PLA2G6: variants seen among roughly 807,000 people sequenced by gnomAD.
PLA2G6 encodes the protein phospholipase A2 group VI.
A neutral mutation model predicts 83.8 loss-of-function variants in PLA2G6; 62 were observed. That is an observed-to-expected ratio of 0.74 (90% CI 0.60 to 0.91). PLA2G6 has a LOEUF of 0.91. Ranked by LOEUF, PLA2G6 falls within the 40% of genes least tolerant of loss-of-function variation. The pLI is 0.00. For synonymous variants in PLA2G6, 417 were observed against 449.8 expected, an observed-to-expected ratio of 0.93 and a Z score of 0.92; for missense variants, 944 against 1,102.0, an observed-to-expected ratio of 0.86 and a Z score of 2.03.
intron 3 of PLA2G6, chr22:38,143,826 C>G (rs929581088): frequency 1.3e-5 from 3 of 224,938 alleles, no homozygotes; most frequent in Non-Finnish European, 2.7e-5. Flanking sequence ...TCACTGCAAC[C>G]TCCGCCTCTG....
At chr22:38,142,650 G>GA in intron 4 of PLA2G6, 1 of 257,954 alleles carries the variant, frequency 3.9e-6, no homozygotes, top group Non-Finnish European at 7.7e-6. Flanking sequence ...AATGTTTTAA[G>GA]AAAGTTTGTG....
chr22:38,137,086 G>A (rs1248899987), intron 5 of PLA2G6: 1 of 152,234 alleles, frequency 6.6e-6, no homozygotes, highest in Non-Finnish European at 1.5e-5. Flanking sequence ...GGGCTATAGT[G>A]AAATAGCCCA....
At chr22:38,127,208 C>A in intron 9 of PLA2G6, 1 of 1,187,200 alleles carries the variant, frequency 8.4e-7, no homozygotes, top group South Asian at 1.5e-5. Context: ...GGCTGCGAAG[C>A]GGTGTCTCCC....
intron 1 of PLA2G6, among the ~76,000 whole-genome samples, chr22:38,181,149 T>C (rs1039171994): frequency 5.9e-5 from 9 of 152,072 alleles, no homozygotes; most frequent in Non-Finnish European, 1.0e-4. Context: ...CCAAGTCATC[T>C]GTGGGAGCAG....
Position 38,155,646 on chromosome 22 carries a change from T to C in PLA2G6, c.210-9993A>G, listed in dbSNP as rs555714846. Among the ~76,000 whole-genome samples the C allele has an allele frequency of 2.0e-5, 3 of 152,210 alleles. No individual in the cohort carries two copies. In the East Asian group the frequency reaches 5.8e-4, roughly 29 times the overall value. On this transcript the variant is annotated intron_variant, in intron 2 of 16. Transcript: ENST00000332509. ...GGTTATAAGATATTATTTGCAAGCC[T>C]CATGTTAACCTCAAATCAAAAAACA... is the stretch of plus-strand genomic sequence containing the variant.
At position 38,120,873 on chromosome 22, in the gene PLA2G6, C is replaced by T. The variant is rs763937995; in HGVS notation, c.1628G>A (p.Arg543His). The change falls in exon 12 of 17, where the codon CGC becomes CAC. Residue 543 changes from arginine to histidine, a missense_variant. Transcript: ENST00000332509. ...GCCCCGGAACACCTCATCCTTCATG[C>T]GAAAGTACATGCCGCGCATGTAGGC... The part of the protein sequence containing the change: ...SMAYMRGMYF[R>H]MKDEVFRGSR... The T allele has an allele frequency of 3.3e-5, 54 of 1,613,708 alleles. No individual in the cohort carries two copies. The highest frequency in any genetic ancestry group is 1.6e-4 in the Middle Eastern group (1 of 6,084).
At chr22:38,159,708 T>A (rs1199480830) in intron 2 of PLA2G6, among the ~76,000 whole-genome samples, 2 of 127,246 alleles carry the variant, frequency 1.6e-5, no homozygotes, top group East Asian at 5.0e-4. Context: ...TTGGCCTGGG[T>A]GAGAGAGAGA....
intron 6 of PLA2G6, chr22:38,134,276 T>G (rs1477943841): frequency 6.6e-6 from 1 of 152,434 alleles, no homozygotes; most frequent in African/African-American, 2.4e-5. Context: ...TAAATCCCCC[T>G]TTAGGCCAGG....
chr22:38,126,177 C>T (rs779634774), intron 10 of PLA2G6, 194 bp downstream of exon 10: 8 of 660,138 alleles, frequency 1.2e-5, no homozygotes, highest in Admixed American at 2.1e-5. Flanking sequence ...GAGCCTGCAC[C>T]GCCCAGCATT....
intron 3 of PLA2G6, chr22:38,145,138 C>T: frequency 2.5e-6 from 1 of 396,062 alleles, no homozygotes; most frequent in Admixed American, 3.6e-5. Flanking sequence ...AACTCCTGGG[C>T]TCAAGCAATC....
chr22:38,146,782 CTTT>C (rs132937), intron 2 of PLA2G6: 3 of 133,140 alleles, frequency 2.3e-5, no homozygotes, highest in Non-Finnish European at 3.1e-5. Context: ...CTTTTCTTTT[CTTT>C]TTTTTTTTTT....
chr22:38,111,826 A>AGGCTGG lies in PLA2G6; in HGVS notation c.*329_*334dup, dbSNP rs1399725354. ...GAGGCAGCCCGGCAGGCCCTCAGGG[A>AGGCTGG]GGCTGGGGCTGGGGGCAGGGGTACG... On this transcript the variant is annotated 3_prime_UTR_variant, in exon 17 of 17. Transcript: ENST00000332509. 3 of 379,534 alleles carry AGGCTGG rather than the reference A, an allele frequency of 7.9e-6. No homozygotes were observed. Among genetic ancestry groups the AGGCTGG allele is most frequent in the Non-Finnish European group, 5.1e-6 (1 of 197,418 alleles). The allele number at this position is 379,534 out of a possible 1,614,324, so 23.5% of individuals were successfully genotyped here.
Position 38,120,769 on chromosome 22 carries a change from T to C in PLA2G6, c.1732A>G (p.Arg578Gly), listed in dbSNP as rs139186982. 1.4e-5 allele frequency: 23 copies of C among 1,613,634 alleles called. No individual in the cohort carries two copies. The African/African-American group carries it at 2.4e-4, about 17-fold the overall frequency. ...FGEHTKMTDVRKPKVMLTGTL... is the reference protein window; with the variant it reads ...FGEHTKMTDVGKPKVMLTGTL... ...TGCGCCAGGGCTTACTTGGGTTTCC[T>C]GACGTCCGTCATCTTGGTGTGCTCC... Residue 578 changes from arginine to glycine, a missense_variant, in exon 12 of 17, where the codon AGG becomes GGG. Physicochemically the swap from Arg to Gly is moderately radical, Grantham distance 125. Coordinates refer to ENST00000332509, the MANE Select transcript of PLA2G6 (RefSeq NM_003560.4).
intron 1 of PLA2G6, among the ~76,000 whole-genome samples, chr22:38,172,952 A>T (rs965784913): frequency 6.6e-6 from 1 of 152,188 alleles, no homozygotes; most frequent in Non-Finnish European, 1.5e-5. Context: ...GGAGGACGAG[A>T]TGACGCAATG....
chr22:38,115,667 G>A lies in PLA2G6; in HGVS notation c.1894C>T (p.Arg632Trp), dbSNP rs121908683. The change falls in exon 14 of 17, where the codon CGG (arginine) becomes TGG (tryptophan). Residue 632 changes from arginine to tryptophan, a missense_variant. Coordinates refer to ENST00000332509, the MANE Select transcript of PLA2G6 (RefSeq NM_003560.4). ...PAQPSDQLVW[R>W]AARSSGAAPT... ...GCTGCCCCGCTGCTTCGGGCCGCCC[G>A]CCACACCAGCTGGTCTAGGGGCGGG... The A allele has an allele frequency of 5.0e-6, 8 of 1,599,762 alleles. No individual in the cohort carries two copies. Among genetic ancestry groups the A allele is most frequent in the African/African-American group, 4.0e-5 (3 of 74,670 alleles).
chr22:38,142,912 C>T (rs774985714), intron 4 of PLA2G6, 193 bp downstream of exon 4: 17 of 708,506 alleles, frequency 2.4e-5, no homozygotes, highest in Non-Finnish European at 4.4e-5. Flanking sequence ...AGACTGAGGA[C>T]GTGGCTCCTG....
At chr22:38,148,787 T>C in intron 2 of PLA2G6, 1 of 436,264 alleles carries the variant, frequency 2.3e-6, no homozygotes. Context: ...GAGGTTATCC[T>C]AGTTGCAATG....
chr22:38,145,105 A>G lies in PLA2G6; in HGVS notation c.425+333T>C, dbSNP rs148332521. 2,251 of 360,644 alleles carry G rather than the reference A, an allele frequency of 6.2e-3. 54 individuals are homozygous for G. Among genetic ancestry groups the G allele is most frequent in the African/African-American group, 0.045 (2,100 of 46,316 alleles). 22.3% of individuals were successfully genotyped at this position (360,644 alleles called of 1,614,324 possible). A position where few individuals can be genotyped will look rare whatever the true frequency, so the allele number is the denominator to read the frequency against. ...CACCCAGGCTGAAGTGCAGTGGTGC[A>G]ATCATAGCTCACTGTAAACTCTAAC... is the stretch of plus-strand genomic sequence containing the variant. On this transcript the variant is annotated intron_variant, in intron 3 of 16. Coordinates refer to ENST00000332509, the MANE Select transcript of PLA2G6 (RefSeq NM_003560.4).
chr22:38,127,805 G>T (rs746590309), intron 9 of PLA2G6, among the ~76,000 whole-genome samples: 3 of 152,082 alleles, frequency 2.0e-5, no homozygotes, highest in South Asian at 2.1e-4. Context: ...CACATTCAAC[G>T]TCTGAAAGTC....
Sources: allele counts gnomAD v4.1 joint callset (sites outside exome capture counted in the v4.1 genomes callset), GRCh38; gene constraint gnomAD v4.1.1; transcripts MANE v1.5; gene names NCBI Gene and HGNC (gene_info 2026-07-23, HGNC 2026-07-21).